Variants in ZNF439 observed in about 807,000 individuals in gnomAD.
The protein encoded by ZNF439 is zinc finger protein 439.
A neutral mutation model predicts 47.3 loss-of-function variants in ZNF439; 40 were observed. The observed-to-expected ratio is 0.85, with a 90% CI of 0.66 to 1.10. ZNF439 has a LOEUF of 1.10. ZNF439 is among the 50% of genes least tolerant of loss of function. The pLI is 0.00. For synonymous variants in ZNF439, 171 were observed against 198.8 expected, an observed-to-expected ratio of 0.86 and a Z score of 1.18; for missense variants, 556 against 601.1, an observed-to-expected ratio of 0.93 and a Z score of 0.78.
At chr19:11,856,498 T>G (rs1270331227) in intron 1 of ZNF439, 1 of 152,258 alleles carries the variant, frequency 6.6e-6, no homozygotes, top group Non-Finnish European at 1.5e-5. Flanking sequence ...CTGTTTGGCA[T>G]GTAGAATGCA....
In ZNF439 at chr19:11,869,279, CA is replaced by C. The variant is rs1448659662; in HGVS notation, c.*713del. The C allele has an allele frequency of 1.0e-5, 2 of 198,394 alleles. No homozygotes were observed. The highest frequency in any genetic ancestry group is 1.1e-5 in the Non-Finnish European group (1 of 89,196). The allele number at this position is 198,394 out of a possible 1,614,324, so 12.3% of individuals were successfully genotyped here. ...AGCCGTCAGATCAGCCTCAAGACTT[CA>C]AATGCATGGAAGCACTCACACTTGG... On this transcript the variant is annotated 3_prime_UTR_variant, in exon 4 of 4. Transcript: ENST00000682736.
intron 2 of ZNF439, 101 bp downstream of exon 2, chr19:11,866,432 G>C: frequency 6.2e-7 from 1 of 1,603,558 alleles, no homozygotes; most frequent in Non-Finnish European, 8.5e-7. Context: ...GAAATACTTT[G>C]ATGAATAAAT....
At chr19:11,852,173 C>T (rs1434743152) in intron 1 of ZNF439, among the ~76,000 whole-genome samples, 1 of 152,116 alleles carries the variant, frequency 6.6e-6, no homozygotes, top group Non-Finnish European at 1.5e-5. Context: ...CACCTGTAAC[C>T]CCAGCACTTT....
rs1976730040 is a variant in ZNF439, at chr19:11,867,670, ATT to A, written c.617_618del (p.Ile206ThrfsTer14). ...AAAAAACATTATTTACCATTCAAGCATTCAAAGACACATGGTAGTGCACAGTG... is the reference window on the plus strand; with the variant it reads ...AAAAAACATTATTTACCATTCAAGCACAAAGACACATGGTAGTGCACAGTG... ...CGKNIIYHSS[I>X]QRHMVVHSGD... On this transcript the variant is annotated frameshift_variant, in exon 4 of 4. Transcript: ENST00000682736. LOFTEE classifies it high-confidence loss of function. The A allele has an allele frequency of 6.2e-7, 1 of 1,614,078 alleles. No individual in the cohort carries two copies. The highest frequency in any genetic ancestry group is 1.3e-5 in the African/African-American group (1 of 74,942).
chr19:11,857,906 T>C (rs1976429953), intron 1 of ZNF439: 1 of 152,186 alleles, frequency 6.6e-6, no homozygotes, highest in African/African-American at 2.4e-5. Context: ...CTGCTTCCTT[T>C]CTCTGAATAA....
chr19:11,851,466 T>G (rs1471134012), intron 1 of ZNF439, among the ~76,000 whole-genome samples: 1 of 152,132 alleles, frequency 6.6e-6, no homozygotes, highest in South Asian at 2.1e-4. Context: ...GGCTGTTTTC[T>G]TCATGGGAAA....
Position 11,869,009 on chromosome 19 carries a change from C to A in ZNF439, c.*440C>A. The A allele has an allele frequency of 6.9e-6, 2 of 288,818 alleles. No individual in the cohort carries two copies. The highest frequency in any genetic ancestry group is 7.6e-5 in the South Asian group (2 of 26,398). 17.9% of individuals were successfully genotyped at this position (288,818 alleles called of 1,614,324 possible). On this transcript the variant is annotated 3_prime_UTR_variant, in exon 4 of 4. Coordinates refer to ENST00000682736, the MANE Select transcript of ZNF439 (RefSeq NM_001348719.2). ...AATGTAAGGAATGCAAACAAGCATT[C>A]AATTATTTTTCTTCCTTGCATATAC...
chr19:11,867,639 A>AC lies in ZNF439; in HGVS notation c.585_586insC (p.Cys196LeufsTer25). ...GAAAGAAACCCTATGCTTGTAAAGA[A>AC]TGTGGAAAAAACATTATTTACCATT... is the stretch of plus-strand genomic sequence containing the variant. On this transcript the variant is annotated frameshift_variant, in exon 4 of 4. Transcript: ENST00000682736. LOFTEE classifies it high-confidence loss of function. 1 of 1,614,118 alleles carries AC rather than the reference A, an allele frequency of 6.2e-7. No homozygotes were observed. The highest frequency in any genetic ancestry group is 1.7e-5 in the Admixed American group (1 of 60,002).
chr19:11,851,793 C>G (rs990173272), intron 1 of ZNF439, among the ~76,000 whole-genome samples: 3 of 151,934 alleles, frequency 2.0e-5, no homozygotes, highest in African/African-American at 7.3e-5. Flanking sequence ...AGACTATAGT[C>G]GCCCACTACC....
chr19:11,866,103 G>A (rs959895146), intron 1 of ZNF439, 102 bp from the exon 2 acceptor site: 6 of 1,570,360 alleles, frequency 3.8e-6, no homozygotes, highest in Middle Eastern at 3.4e-4. Context: ...GGGAATAAAT[G>A]TTTGGAGTCC....
At position 11,868,880 on chromosome 19, in the gene ZNF439, C is replaced by A; in HGVS notation, c.*311C>A. ...CTTCTTTTCAAATACATGAAAGTTG[C>A]ACAGAGGAGAGGCGCCCTAAGAATG... is the stretch of plus-strand genomic sequence containing the variant. On this transcript the variant is annotated 3_prime_UTR_variant, in exon 4 of 4. Transcript: ENST00000682736. 1 of 402,392 alleles carries A rather than the reference C, an allele frequency of 2.5e-6. No homozygotes were observed. Among genetic ancestry groups the A allele is most frequent in the Non-Finnish European group, 4.8e-6 (1 of 209,706 alleles). The allele number at this position is 402,392 out of a possible 1,614,324, so 24.9% of individuals were successfully genotyped here.
At chr19:11,852,877 T>C (rs1198790105) in intron 1 of ZNF439, among the ~76,000 whole-genome samples, 1 of 152,116 alleles carries the variant, frequency 6.6e-6, no homozygotes, top group East Asian at 1.9e-4. Flanking sequence ...GGTTAATTGG[T>C]GGACTGTGCC....
At chr19:11,853,905 G>A (rs1422403204) in intron 1 of ZNF439, among the ~76,000 whole-genome samples, 1 of 152,118 alleles carries the variant, frequency 6.6e-6, no homozygotes, top group East Asian at 1.9e-4. Context: ...AGGCTCTCTA[G>A]GCCTTGCAGG....
chr19:11,861,246 C>T (rs1437212139), intron 1 of ZNF439, among the ~76,000 whole-genome samples: 1 of 152,216 alleles, frequency 6.6e-6, no homozygotes, highest in African/African-American at 2.4e-5. Flanking sequence ...GCCTCTCCTC[C>T]TCTTATCTTT....
At chr19:11,849,095 A>T in intron 1 of ZNF439, 165 bp downstream of exon 1, 1 of 1,201,396 alleles carries the variant, frequency 8.3e-7, no homozygotes, top group Non-Finnish European at 1.0e-6. Context: ...GGCAGCCGGG[A>T]CTCCGGGCGT....
At position 11,848,873 on chromosome 19, in the gene ZNF439, C is replaced by G. The variant is rs1008770519; in HGVS notation, c.6C>G (p.Pro2=). M[P]CFTHRSCRED... ...GTCGCTCTGTCACCTGCGCTATGCC[C>G]TGCTTTACTCACAGGAGCTGTAGAG... is the stretch of plus-strand genomic sequence containing the variant. Residue 2 remains proline (P), a synonymous_variant, in exon 1 of 4, where the codon CCC becomes CCG. Coordinates refer to ENST00000682736, the MANE Select transcript of ZNF439 (RefSeq NM_001348719.2). The G allele has an allele frequency of 2.6e-6, 4 of 1,568,368 alleles. No homozygotes were observed. Among genetic ancestry groups the G allele is most frequent in the African/African-American group, 2.7e-5 (2 of 73,474 alleles).
chr19:11,853,150 G>A (rs1248180268), intron 1 of ZNF439, among the ~76,000 whole-genome samples: 4 of 151,548 alleles, frequency 2.6e-5, no homozygotes, highest in East Asian at 1.9e-4. Flanking sequence ...GGCTGGTCTC[G>A]AACTCTTGAC....
In ZNF439 at chr19:11,868,252, G is replaced by T; in HGVS notation, c.1198G>T (p.Gly400Cys). ...ATGTGGTAAAGCCTTCACTCGTTCC[G>T]GTTCCTTTCGATATCATGAAAGGAC... ...KQCGKAFTRS[G>C]SFRYHERTHT... Residue 400 changes from glycine to cysteine, a missense_variant, in exon 4 of 4, where the codon GGT (glycine) becomes TGT (cysteine). Transcript: ENST00000682736. The T allele has an allele frequency of 1.9e-6, 3 of 1,613,538 alleles. No homozygotes were observed. In the South Asian group the frequency reaches 3.3e-5, roughly 18 times the overall value.
At chr19:11,852,534 G>A (rs1976276642) in intron 1 of ZNF439, among the ~76,000 whole-genome samples, 1 of 152,166 alleles carries the variant, frequency 6.6e-6, no homozygotes, top group Non-Finnish European at 1.5e-5. Context: ...TCTTGAGACG[G>A]GGTCTCACTC....
Sources: allele counts gnomAD v4.1 joint callset (sites outside exome capture counted in the v4.1 genomes callset), GRCh38; gene constraint gnomAD v4.1.1; transcripts MANE v1.5; gene names NCBI Gene and HGNC (gene_info 2026-07-23, HGNC 2026-07-21).